The following ANKRD11 variants were observed in gnomAD, a reference collection of about 807,000 sequenced individuals.
ANKRD11 encodes ankyrin repeat domain 11.
In ANKRD11, 17 loss-of-function variants were observed where a neutral mutation model predicts 195.7. The observed-to-expected ratio is 0.09, with a 90% CI of 0.06 to 0.13. ANKRD11 has a LOEUF of 0.13. ANKRD11 is among the 10% of genes least tolerant of loss of function. The pLI, the probability that ANKRD11 is intolerant of heterozygous loss-of-function variation, is 1.00. For synonymous variants in ANKRD11, 1,953 were observed against 1,528.1 expected (o/e 1.28, Z -6.49); for missense variants, 3,735 against 3,566.1 (o/e 1.05, Z -1.21).
rs888146987 is a variant in ANKRD11, at chr16:89,468,052, C to A, written c.-145+22193G>T. On this transcript the variant is annotated intron_variant, in intron 1 of 12. Coordinates refer to ENST00000301030, the MANE Select transcript of ANKRD11 (RefSeq NM_013275.6). ...CTCCTGGCCTCAAGTGATCTGCCCA[C>A]CTCGGCCTCCCAAAGTGCTGGGATT... Among the ~76,000 whole-genome samples the A allele has an allele frequency of 3.3e-5, 5 of 152,192 alleles. No homozygotes were observed. The South Asian group carries it at 6.2e-4, about 19-fold the overall frequency.
At chr16:89,286,799 A>C in intron 7 of ANKRD11, 1 of 1,287,248 alleles carries the variant, frequency 7.8e-7, no homozygotes, top group Non-Finnish European at 1.0e-6. Flanking sequence ...GCTGTTCATC[A>C]CCAGCAACCT....
chr16:89,471,564 G>A (rs921991759), intron 1 of ANKRD11, among the ~76,000 whole-genome samples: 1 of 152,080 alleles, frequency 6.6e-6, no homozygotes, highest in African/African-American at 2.4e-5. Flanking sequence ...AGGTAGAGGT[G>A]GGCAGATCAC....
Position 89,283,076 on chromosome 16 carries a change from G to A in ANKRD11, c.3466C>T (p.Arg1156Trp), listed in dbSNP as rs964523960. 9.3e-6 allele frequency: 15 copies of A among 1,613,740 alleles called. No individual in the cohort carries two copies. Among genetic ancestry groups the A allele is most frequent in the Admixed American group, 5.0e-5 (3 of 59,984 alleles). ...TDGLQEKEEGREAYASDRHRK... is the reference protein window; with the variant it reads ...TDGLQEKEEGWEAYASDRHRK... ...TGTCTGTCGGAGGCATAGGCCTCCC[G>A]TCCTTCCTCCTTCTCCTGGAGGCCG... Residue 1156 changes from arginine (R) to tryptophan (W), a missense_variant, in exon 9 of 13, where the codon CGG becomes TGG. Physicochemically the swap from Arg to Trp is moderately radical, Grantham distance 101. Coordinates refer to ENST00000301030, the MANE Select transcript of ANKRD11 (RefSeq NM_013275.6). The surrounding 1 kb of genome is among the most constrained non-coding windows in gnomAD (Gnocchi z 4.3).
intron 1 of ANKRD11, among the ~76,000 whole-genome samples, chr16:89,425,679 G>A (rs2042688454): frequency 6.7e-6 from 1 of 149,932 alleles, no homozygotes; most frequent in African/African-American, 2.4e-5. Context: ...CAGAGAAGGT[G>A]CAGTTATTTG....
intron 3 of ANKRD11, among the ~76,000 whole-genome samples, chr16:89,314,959 A>C (rs973512921): frequency 3.3e-5 from 5 of 152,082 alleles, no homozygotes; most frequent in African/African-American, 1.2e-4. Context: ...GCACAACCCA[A>C]ATCTCTTTGT....
chr16:89,375,879 G>A (rs976204354), intron 2 of ANKRD11, among the ~76,000 whole-genome samples: 4 of 151,542 alleles, frequency 2.6e-5, no homozygotes, highest in Non-Finnish European at 5.9e-5. Context: ...AGTGCCACTA[G>A]CGATGCTGGC....
At chr16:89,368,847 T>C (rs1000209067) in intron 2 of ANKRD11, among the ~76,000 whole-genome samples, 3 of 151,816 alleles carry the variant, frequency 2.0e-5, no homozygotes, top group Non-Finnish European at 4.4e-5. Flanking sequence ...CCACAGTGAG[T>C]CCTGACCAAG....
chr16:89,332,439 C>T (rs753749037), intron 2 of ANKRD11, among the ~76,000 whole-genome samples: 14 of 152,196 alleles, frequency 9.2e-5, no homozygotes, highest in Non-Finnish European at 1.5e-4. Flanking sequence ...CCCTCCACAA[C>T]GGCAGCACCT....
intron 1 of ANKRD11, among the ~76,000 whole-genome samples, chr16:89,447,636 C>T (rs974819116): frequency 3.9e-5 from 6 of 152,166 alleles, no homozygotes; most frequent in African/African-American, 1.4e-4. Flanking sequence ...CTCACTCCTC[C>T]TACACAGCCA....
Position 89,281,683 on chromosome 16 carries a change from A to G in ANKRD11, c.4859T>C (p.Leu1620Pro). 6.2e-7 allele frequency: 1 copy of G among 1,613,874 alleles called. No homozygotes were observed. Among genetic ancestry groups the G allele is most frequent in the Non-Finnish European group, 8.5e-7 (1 of 1,179,974 alleles). ...GTCTGCCGGCTTCGCCTTCTCCTTGAGCTTGGGGTCTCCGGACCGGTGCCT... is the reference window on the plus strand; with the variant it reads ...GTCTGCCGGCTTCGCCTTCTCCTTGGGCTTGGGGTCTCCGGACCGGTGCCT... ...KLRHRSGDPK[L>P]KEKAKPADDG... Residue 1620 changes from leucine (L) to proline (P), a missense_variant, in exon 9 of 13, where the codon CTC becomes CCC. Transcript: ENST00000301030. The surrounding 1 kb of genome is among the most constrained non-coding windows in gnomAD (Gnocchi z 5.5).
intron 2 of ANKRD11, among the ~76,000 whole-genome samples, chr16:89,318,584 C>G (rs1028865927): frequency 2.0e-5 from 3 of 152,172 alleles, no homozygotes; most frequent in Non-Finnish European, 4.4e-5. Context: ...GGCAGCTCCA[C>G]TGTGAGCCTC....
rs2057788029 is a variant in ANKRD11 at position 89,490,325 on chromosome 16, C to T, written c.-225G>A. 1 of 147,312 alleles carries T rather than the reference C, an allele frequency of 6.8e-6. No homozygotes were observed. The highest frequency in any genetic ancestry group is 2.5e-5 in the African/African-American group (1 of 40,804). The allele number at this position is 147,312 out of a possible 1,614,324, so 9.1% of individuals were successfully genotyped here. ...GCCCATGCAGCCCGCGGCCGCGTTTCCCGGGCCGCGCGGCCCGAGCGGCAA... is the reference window on the plus strand; with the variant it reads ...GCCCATGCAGCCCGCGGCCGCGTTTTCCGGGCCGCGCGGCCCGAGCGGCAA... On this transcript the variant is annotated 5_prime_UTR_variant, in exon 1 of 13. Transcript: ENST00000301030.
intron 4 of ANKRD11, among the ~76,000 whole-genome samples, chr16:89,303,933 C>G (rs1488608359): frequency 6.6e-6 from 1 of 152,234 alleles, no homozygotes; most frequent in Non-Finnish European, 1.5e-5. Flanking sequence ...GGCACAGCCT[C>G]TACGCCTTGT....
At position 89,288,943 on chromosome 16, in the gene ANKRD11, G is replaced by C. The variant is rs1597478662; in HGVS notation, c.602-273C>G. ...CTAATCTGCGGCAATCACCCTAAAA[G>C]GGTAGGAAATCAGTGAACACACAGT... On this transcript the variant is annotated intron_variant, in intron 6 of 12. Transcript: ENST00000301030. 1.2e-5 allele frequency: 7 copies of C among 562,008 alleles called. No homozygotes were observed. The East Asian group carries it at 2.1e-4, about 17-fold the overall frequency. 34.8% of individuals were successfully genotyped at this position (562,008 alleles called of 1,614,324 possible). A position where few individuals can be genotyped will look rare whatever the true frequency, so the allele number is the denominator to read the frequency against.
chr16:89,401,343 C>A (rs983034177), intron 2 of ANKRD11, among the ~76,000 whole-genome samples: 1 of 152,068 alleles, frequency 6.6e-6, no homozygotes, highest in African/African-American at 2.4e-5. Context: ...TCCCAAAGTG[C>A]TGGGATTACA....
At chr16:89,297,373 G>A (rs1357846980) in intron 4 of ANKRD11, 1 of 152,320 alleles carries the variant, frequency 6.6e-6, no homozygotes, top group South Asian at 2.1e-4. Flanking sequence ...GCCGATGGCG[G>A]TTACAGCTCA....
chr16:89,288,830 G>T, intron 6 of ANKRD11, 160 bp from the exon 7 acceptor site: 1 of 934,130 alleles, frequency 1.1e-6, no homozygotes, highest in Admixed American at 2.0e-5. Context: ...TGCTGGCCCA[G>T]AGAACCCCTA....
intron 1 of ANKRD11, among the ~76,000 whole-genome samples, chr16:89,486,873 G>GTAGGAGGT (rs1328652711): frequency 2.0e-5 from 3 of 152,022 alleles, no homozygotes; most frequent in Non-Finnish European, 4.4e-5. Context: ...GCCGTGTTTG[G>GTAGGAGGT]TAGGAGGTGT....
chr16:89,478,791 G>T lies in ANKRD11; in HGVS notation c.-145+11454C>A, dbSNP rs540026076. On this transcript the variant is annotated intron_variant, in intron 1 of 12. Coordinates refer to ENST00000301030, the MANE Select transcript of ANKRD11 (RefSeq NM_013275.6). ...CTTAATGCAAATTCCTTATTCCCAT[G>T]ACTAACATCAAAGAACCACACCTCC... 4.6e-5 allele frequency among the ~76,000 whole-genome samples: 7 copies of T among 152,264 alleles called. No homozygotes were observed. The East Asian group carries it at 1.3e-3, about 29-fold the overall frequency.
Sources: gnomAD v4.1 joint callset for allele counts (sites outside exome capture counted in the v4.1 genomes callset) on GRCh38, gnomAD v4.1.1 for gene constraint, Gnocchi (gnomAD v3.1) non-coding constraint, MANE v1.5 for transcripts, NCBI Gene and HGNC (gene_info 2026-07-23, HGNC 2026-07-21) for gene names.